Variants in VEPH1 observed in about 807,000 individuals in gnomAD.
VEPH1 encodes the protein ventricular zone expressed PH domain containing 1.
In VEPH1, 80 loss-of-function variants were observed where a neutral mutation model predicts 85.2. The ratio of observed to expected loss-of-function variants is 0.94; its 90% CI spans 0.78 to 1.13. The LOEUF is 1.13. Ranked by LOEUF, VEPH1 falls within the 50% of genes most tolerant of loss-of-function variation. VEPH1 has a pLI of 0.00. For synonymous variants in VEPH1, 297 were observed against 348.0 expected, an observed-to-expected ratio of 0.85 and a Z score of 1.63; for missense variants, 955 against 980.5, an observed-to-expected ratio of 0.97 and a Z score of 0.35.
intron 6 of VEPH1, among the ~76,000 whole-genome samples, chr3:157,384,398 G>A (rs1449906484): frequency 1.3e-5 from 2 of 152,124 alleles, no homozygotes; most frequent in African/African-American, 2.4e-5. Flanking sequence ...AAAATTTGAG[G>A]TAACTTCCTT....
intron 7 of VEPH1, among the ~76,000 whole-genome samples, chr3:157,368,623 C>G (rs1727022810): frequency 6.6e-6 from 1 of 152,060 alleles, no homozygotes; most frequent in East Asian, 1.9e-4. Context: ...CCCCGAGTAG[C>G]TGGGACTACA....
intron 1 of VEPH1, among the ~76,000 whole-genome samples, chr3:157,502,197 C>T (rs1740169596): frequency 6.6e-6 from 1 of 152,152 alleles, no homozygotes; most frequent in Non-Finnish European, 1.5e-5. Flanking sequence ...TGCTAGAGTA[C>T]ATACGATCTA....
intron 1 of VEPH1, among the ~76,000 whole-genome samples, chr3:157,497,182 C>T (rs1442601544): frequency 6.6e-6 from 1 of 152,076 alleles, no homozygotes; most frequent in Non-Finnish European, 1.5e-5. Context: ...AGTAAAGGTC[C>T]TCAGAGCATT....
intron 11 of VEPH1, among the ~76,000 whole-genome samples, chr3:157,291,947 A>G (rs1412343324): frequency 6.6e-6 from 1 of 152,174 alleles, no homozygotes; most frequent in East Asian, 1.9e-4. Context: ...CTCTCTCTAT[A>G]TATCTATCTC....
intron 6 of VEPH1, among the ~76,000 whole-genome samples, chr3:157,384,523 A>G (rs1439868869): frequency 6.6e-6 from 1 of 152,226 alleles, no homozygotes; most frequent in Non-Finnish European, 1.5e-5. Context: ...CACTATAAAA[A>G]TTTGCAAGCC....
At chr3:157,428,231 T>G in intron 5 of VEPH1, 91 bp downstream of exon 5, 4 of 1,378,100 alleles carry the variant, frequency 2.9e-6, no homozygotes, top group Non-Finnish European at 3.9e-6. Flanking sequence ...TGTAAATGTA[T>G]GAGACAGGAA....
chr3:157,347,616 G>A (rs1481704514), intron 9 of VEPH1, among the ~76,000 whole-genome samples: 1 of 152,226 alleles, frequency 6.6e-6, no homozygotes, highest in Non-Finnish European at 1.5e-5. Context: ...ATGCACATGT[G>A]GTGATTGGAA....
chr3:157,415,775 CT>C (rs1200768403), intron 5 of VEPH1, among the ~76,000 whole-genome samples: 3 of 152,106 alleles, frequency 2.0e-5, no homozygotes, highest in South Asian at 2.1e-4. Flanking sequence ...GCTAAATTTT[CT>C]TTTGCAGCTG....
intron 2 of VEPH1, among the ~76,000 whole-genome samples, chr3:157,482,662 AG>A (rs1161931355): frequency 2.0e-5 from 3 of 152,148 alleles, no homozygotes; most frequent in African/African-American, 7.2e-5. Flanking sequence ...GATTTCTTTC[AG>A]TAGTGTTTTG....
intron 12 of VEPH1, among the ~76,000 whole-genome samples, chr3:157,275,330 C>G (rs1195857339): frequency 6.6e-6 from 1 of 152,130 alleles, no homozygotes; most frequent in East Asian, 1.9e-4. Context: ...AATCGCAGCA[C>G]TTTGGGAGGC....
chr3:157,313,977 G>T (rs1049817537), intron 10 of VEPH1, among the ~76,000 whole-genome samples: 1 of 151,862 alleles, frequency 6.6e-6, no homozygotes, highest in Non-Finnish European at 1.5e-5. Context: ...CGGGAGGATC[G>T]CTTGAGACCA....
At position 157,410,246 on chromosome 3, in the gene VEPH1, A is replaced by T. The variant is rs969682758; in HGVS notation, c.906+3635T>A. On this transcript the variant is annotated intron_variant, in intron 6 of 13. Coordinates refer to ENST00000362010, the MANE Select transcript of VEPH1 (RefSeq NM_001167912.2). ...ACAAGGGTCCTGTGGCTGTCTTACA[A>T]GCACCCCCAAAATCCCCATGCCTTA... Among the ~76,000 whole-genome samples the T allele has an allele frequency of 3.9e-5, 6 of 152,088 alleles. 1 individual carries two copies. In the South Asian group the frequency reaches 6.2e-4, roughly 16 times the overall value.
At chr3:157,453,982 A>G (rs1735170314) in intron 4 of VEPH1, among the ~76,000 whole-genome samples, 1 of 152,216 alleles carries the variant, frequency 6.6e-6, no homozygotes, top group Non-Finnish European at 1.5e-5. Flanking sequence ...TTGTGTTTCA[A>G]AGATTTCATT....
At chr3:157,322,078 T>C (rs985914548) in intron 9 of VEPH1, among the ~76,000 whole-genome samples, 3 of 152,118 alleles carry the variant, frequency 2.0e-5, no homozygotes, top group Non-Finnish European at 2.9e-5. Context: ...TCCTTCCTAG[T>C]TGAAACCCTA....
At chr3:157,465,849 AGCCT>A (rs1398450477) in intron 3 of VEPH1, among the ~76,000 whole-genome samples, 1 of 152,214 alleles carries the variant, frequency 6.6e-6, no homozygotes, top group East Asian at 1.9e-4. Flanking sequence ...CCCTGCAGGC[AGCCT>A]GCTTTGGTTA....
chr3:157,468,477 A>G (rs1736597001), intron 3 of VEPH1, among the ~76,000 whole-genome samples: 1 of 152,194 alleles, frequency 6.6e-6, no homozygotes, highest in Admixed American at 6.5e-5. Context: ...CAGGAGGCTG[A>G]GGCAGGAGAA....
chr3:157,463,352 T>C (rs1278176247), intron 3 of VEPH1, among the ~76,000 whole-genome samples: 1 of 152,214 alleles, frequency 6.6e-6, no homozygotes, highest in African/African-American at 2.4e-5. Flanking sequence ...TCTGATGCTA[T>C]TCTTTGGCGA....
intron 9 of VEPH1, among the ~76,000 whole-genome samples, chr3:157,334,410 G>A (rs1408456065): frequency 1.3e-5 from 2 of 152,206 alleles, no homozygotes; most frequent in Non-Finnish European, 2.9e-5. Flanking sequence ...GCATTTTCAT[G>A]TGGCTAATTG....
chr3:157,497,607 T>C (rs1486818670), intron 1 of VEPH1, among the ~76,000 whole-genome samples: 1 of 152,178 alleles, frequency 6.6e-6, no homozygotes, highest in Non-Finnish European at 1.5e-5. Context: ...GTTGGACATG[T>C]GGCACTCCAT....
Sources: gnomAD v4.1 joint callset for allele counts (sites outside exome capture counted in the v4.1 genomes callset) on GRCh38, gnomAD v4.1.1 for gene constraint, MANE v1.5 for transcripts, NCBI Gene and HGNC (gene_info 2026-07-23, HGNC 2026-07-21) for gene names.